Variants in MALAT1 observed in about 807,000 individuals in gnomAD.
The protein encoded by MALAT1 is hepcarcin.
intron 3 of MALAT1, chr11:65,505,387 C>CT (rs1854659777): frequency 3.9e-6 from 2 of 516,492 alleles, no homozygotes; most frequent in African/African-American, 3.9e-5. Flanking sequence ...TACCCCTGGG[C>CT]TTCTCTTAAC....
exon 3 of MALAT1, chr11:65,500,942 T>C (rs773977297): frequency 3.9e-6 from 2 of 512,518 alleles, no homozygotes; most frequent in East Asian, 5.5e-5. Context: ...TACTCATGAA[T>C]CTTGTCTGAA....
exon 3 of MALAT1, chr11:65,501,773 G>A (rs1481597823): frequency 7.7e-6 from 4 of 518,854 alleles, no homozygotes; most frequent in African/African-American, 5.8e-5. Flanking sequence ...AACTTCAGAA[G>A]AGCTTGAGTA....
chr11:65,502,317 A>G lies in MALAT1; in HGVS notation n.3580A>G, dbSNP rs749945119. 5.4e-5 allele frequency: 28 copies of G among 516,730 alleles called. 1 individual carries two copies. Among genetic ancestry groups the G allele is most frequent in the Non-Finnish European group, 8.1e-5 (21 of 259,060 alleles). 32.0% of individuals were successfully genotyped at this position (516,730 alleles called of 1,614,324 possible). A position where few individuals can be genotyped will look rare whatever the true frequency, so the allele number is the denominator to read the frequency against. ...GATTTAATAATAATTTAAAACTACTATAGAAACTGCAGAGCAAAGGAAGTG... is the reference window on the plus strand; with the variant it reads ...GATTTAATAATAATTTAAAACTACTGTAGAAACTGCAGAGCAAAGGAAGTG... On this transcript the variant is annotated non_coding_transcript_exon_variant, in exon 3 of 4. Coordinates refer to ENST00000619449, the Ensembl canonical transcript of MALAT1.
At chr11:65,505,311 A>G (rs1442854532) in intron 3 of MALAT1, 2 of 518,754 alleles carry the variant, frequency 3.9e-6, no homozygotes, top group South Asian at 1.4e-5. Context: ...CCTGATTTTT[A>G]TTAGTAATGA....
At chr11:65,501,514 C>T (rs1401311134) in exon 3 of MALAT1, 5 of 518,384 alleles carry the variant, frequency 9.6e-6, no homozygotes, top group African/African-American at 1.9e-5. Context: ...TTATTTTTTA[C>T]TTGAAGCATT....
chr11:65,500,869 A>AG (rs1854530507), exon 3 of MALAT1: 2 of 518,476 alleles, frequency 3.9e-6, no homozygotes, highest in Non-Finnish European at 7.7e-6. Flanking sequence ...TGAGGTGTAA[A>AG]GGGATTTATA....
chr11:65,500,138 A>C (rs1166825312), exon 3 of MALAT1: 1 of 498,682 alleles, frequency 2.0e-6, no homozygotes, highest in Non-Finnish European at 4.0e-6. Flanking sequence ...TAGAAGGGGA[A>C]GTTGGTTAAA....
chr11:65,505,007 ATG>A (rs748461432), intron 3 of MALAT1: 1 of 518,930 alleles, frequency 1.9e-6, no homozygotes, highest in East Asian at 5.4e-5. Flanking sequence ...AGTGGACAAA[ATG>A]AGGAAAACAG....
chr11:65,503,827 A>G (rs748305163), exon 3 of MALAT1: 2 of 516,718 alleles, frequency 3.9e-6, no homozygotes, highest in Non-Finnish European at 7.7e-6. Context: ...TATTCTTCAT[A>G]AAGTGATGAG....
chr11:65,500,062 AGGT>A (rs1202894737), exon 3 of MALAT1: 2 of 445,682 alleles, frequency 4.5e-6, no homozygotes, highest in African/African-American at 4.1e-5. Context: ...AGAAGTTAGA[AGGT>A]AAAGCTTGAG....
chr11:65,499,565 GC>G (rs1181090902), exon 3 of MALAT1: 1 of 455,824 alleles, frequency 2.2e-6, no homozygotes, highest in Non-Finnish European at 4.4e-6. Context: ...GTCATTTAAA[GC>G]CTAGTTAACG....
intron 1 of MALAT1, chr11:65,498,245 A>C (rs1207330261): frequency 1.9e-6 from 1 of 518,766 alleles, no homozygotes; most frequent in Non-Finnish European, 3.8e-6. Flanking sequence ...AGGCCACTTG[A>C]ACTCGCTTTC....
intron 3 of MALAT1, chr11:65,505,461 A>G: frequency 1.9e-6 from 1 of 512,988 alleles, no homozygotes; most frequent in South Asian, 1.4e-5. Context: ...GCGGTGCTTG[A>G]AGGGGAGGGA....
exon 3 of MALAT1, chr11:65,501,644 C>T (rs1261440955): frequency 3.9e-6 from 2 of 518,858 alleles, no homozygotes; most frequent in Non-Finnish European, 7.7e-6. Flanking sequence ...TACCGCTGTG[C>T]TGTTGGCACG....
exon 3 of MALAT1, chr11:65,501,460 AC>A (rs1257464822): frequency 2.0e-6 from 1 of 511,398 alleles, no homozygotes; most frequent in African/African-American, 2.0e-5. Context: ...TTTTCCCCCC[AC>A]CCCCTTAATC....
chr11:65,502,413 T>A (rs1477159809), exon 3 of MALAT1: 1 of 505,528 alleles, frequency 2.0e-6, no homozygotes, highest in South Asian at 1.5e-5. Flanking sequence ...TATTTTCAGT[T>A]GTGTGTAAGC....
exon 3 of MALAT1, chr11:65,500,023 A>G: frequency 7.0e-6 from 3 of 428,556 alleles, no homozygotes; most frequent in Non-Finnish European, 1.4e-5. Flanking sequence ...TTTATTTTAA[A>G]AGCCCATCAA....
At chr11:65,505,848 C>T (rs1590708319) in intron 3 of MALAT1, 1 of 474,992 alleles carries the variant, frequency 2.1e-6, no homozygotes, top group South Asian at 1.6e-5. Flanking sequence ...AACTGTAATG[C>T]TGGGTGGGAA....
At chr11:65,499,153 C>G (rs765954103) in exon 3 of MALAT1, 1 of 512,424 alleles carries the variant, frequency 2.0e-6, no homozygotes, top group Non-Finnish European at 3.9e-6. Flanking sequence ...AATACAACTA[C>G]TTAAAAAATA....
Sources: gnomAD v4.1 joint callset for allele counts on GRCh38, gnomAD v4.1.1 for gene constraint, MANE v1.5 for transcripts, NCBI Gene and HGNC (gene_info 2026-07-23, HGNC 2026-07-21) for gene names.